The following SRGAP2 variants were observed in gnomAD, a reference collection of about 807,000 sequenced individuals.
SRGAP2 encodes the protein SLIT-ROBO Rho GTPase activating protein 2.
Under a neutral mutation model 57.2 loss-of-function variants are expected in SRGAP2, and 15 were observed. The ratio of observed to expected loss-of-function variants is 0.26; its 90% confidence interval spans 0.18 to 0.40. The LOEUF is 0.40. SRGAP2 is among the 10% of genes least tolerant of loss of function. The pLI, the probability that SRGAP2 is intolerant of heterozygous loss-of-function variation, is 1.00. For missense variants in SRGAP2, 520 were observed against 669.6 expected (o/e 0.78, Z 2.47); for synonymous variants, 249 against 248.0 (o/e 1.00, Z -0.04).
At chr1:206,380,942 G>A (rs1655646522) in intron 4 of SRGAP2, among the ~76,000 whole-genome samples, 1 of 148,568 alleles carries the variant, frequency 6.7e-6, no homozygotes. Flanking sequence ...ATCTGTGAAA[G>A]GAGAGACACT....
At chr1:206,327,314 C>G (rs61816806) in intron 3 of SRGAP2, among the ~76,000 whole-genome samples, 1 of 147,744 alleles carries the variant, frequency 6.8e-6, no homozygotes, top group Admixed American at 6.8e-5. Context: ...ACAACAAGAG[C>G]GAAACTCCGT....
chr1:206,375,512 A>G (rs1168332145), intron 4 of SRGAP2, among the ~76,000 whole-genome samples: 2 of 152,208 alleles, frequency 1.3e-5, no homozygotes, highest in Non-Finnish European at 2.9e-5. Flanking sequence ...AGTTTAAGAA[A>G]TGAAAGCTTA....
chr1:206,237,723 C>A (rs1268981966), intron 2 of SRGAP2, among the ~76,000 whole-genome samples: 1 of 145,360 alleles, frequency 6.9e-6, no homozygotes, highest in Non-Finnish European at 1.5e-5. Context: ...AACTACTGAC[C>A]CTGAAGCAGC....
At chr1:206,319,336 A>G (rs1351722131) in intron 3 of SRGAP2, among the ~76,000 whole-genome samples, 26 of 151,126 alleles carry the variant, frequency 1.7e-4, no homozygotes, top group African/African-American at 6.2e-4. Context: ...GTGTGAACCC[A>G]GGAGGCGGAG....
At chr1:206,322,437 G>A (rs1464798430) in intron 3 of SRGAP2, among the ~76,000 whole-genome samples, 7 of 151,950 alleles carry the variant, frequency 4.6e-5, no homozygotes, top group East Asian at 1.9e-4. Context: ...AAAATTAGCC[G>A]GGCGTGGTGG....
At chr1:206,436,768 G>T (rs10494876) in intron 14 of SRGAP2, among the ~76,000 whole-genome samples, 197 bp from the exon 15 acceptor site, 1 of 152,140 alleles carries the variant, frequency 6.6e-6, no homozygotes, top group South Asian at 2.1e-4. Flanking sequence ...GTGCTTTCTA[G>T]TGAAAATGAA....
chr1:206,386,210 A>G (rs1220137998), intron 5 of SRGAP2, among the ~76,000 whole-genome samples: 28 of 152,174 alleles, frequency 1.8e-4, no homozygotes, highest in Non-Finnish European at 3.5e-4. Flanking sequence ...CACAACAAAG[A>G]ATTATCTGAC....
At chr1:206,278,938 A>G (rs1670571472) in intron 2 of SRGAP2, among the ~76,000 whole-genome samples, 4 of 150,384 alleles carry the variant, frequency 2.7e-5, no homozygotes, top group Non-Finnish European at 2.9e-5. Context: ...GTCAGAGAGG[A>G]GAGGGTGAGA....
At position 206,284,074 on chromosome 1, in the gene SRGAP2, G is replaced by A. The variant is rs1220481723; in HGVS notation, c.68-19207G>A. Among the ~76,000 whole-genome samples the A allele has an allele frequency of 4.4e-3, 670 of 152,130 alleles. 3 individuals carry two copies. Among genetic ancestry groups the A allele is most frequent in the Non-Finnish European group, 8.1e-3 (548 of 68,018 alleles). ...GAGAAACCTGCATTCTTGACCTAAT[G>A]TTTGGAATTGCATTTCACACTCTAG... On this transcript the variant is annotated intron_variant, in intron 2 of 22. Transcript: ENST00000573034.
intron 2 of SRGAP2, among the ~76,000 whole-genome samples, chr1:206,296,665 C>T (rs1306222130): frequency 1.3e-5 from 2 of 152,188 alleles, no homozygotes; most frequent in Admixed American, 6.5e-5. Context: ...CTCCTGAGCT[C>T]TAGTAATCGG....
At chr1:206,415,664 A>G (rs1312638915) in intron 10 of SRGAP2, among the ~76,000 whole-genome samples, 3 of 152,242 alleles carry the variant, frequency 2.0e-5, no homozygotes, top group Non-Finnish European at 2.9e-5. Flanking sequence ...TATACTGGCC[A>G]TCATAGAACT....
chr1:206,457,223 A>C (rs1447421305), intron 21 of SRGAP2, among the ~76,000 whole-genome samples: 1 of 152,058 alleles, frequency 6.6e-6, no homozygotes, highest in Non-Finnish European at 1.5e-5. Flanking sequence ...ATCAGCAAAG[A>C]GCTATTAGGG....
intron 2 of SRGAP2, among the ~76,000 whole-genome samples, chr1:206,232,814 CA>C (rs1667718271): frequency 8.1e-6 from 1 of 123,350 alleles, no homozygotes; most frequent in Non-Finnish European, 1.7e-5. Context: ...TTAGTAATCC[CA>C]TTTAAAATAT....
At chr1:206,437,177 C>A in intron 15 of SRGAP2, 135 bp downstream of exon 15, 1 of 669,928 alleles carries the variant, frequency 1.5e-6, no homozygotes, top group Non-Finnish European at 2.7e-6. Context: ...TACCTGCTGT[C>A]TTGTACACAT....
At chr1:206,452,481 T>C (rs1469212631) in intron 19 of SRGAP2, among the ~76,000 whole-genome samples, 2 of 152,202 alleles carry the variant, frequency 1.3e-5, no homozygotes, top group Non-Finnish European at 2.9e-5. Flanking sequence ...CTACAATTAC[T>C]GGAATTATTA....
At chr1:206,412,961 T>A (rs1230810296) in intron 10 of SRGAP2, among the ~76,000 whole-genome samples, 1 of 152,200 alleles carries the variant, frequency 6.6e-6, no homozygotes, top group Non-Finnish European at 1.5e-5. Context: ...AGTTCATACC[T>A]TGACACAGTT....
chr1:206,214,558 T>TG (rs1279957270), intron 2 of SRGAP2: 1 of 149,102 alleles, frequency 6.7e-6, no homozygotes. Context: ...ATCCTTCTGC[T>TG]GGGGGCAGTG....
chr1:206,460,681 T>G (rs1464190206), intron 22 of SRGAP2, among the ~76,000 whole-genome samples: 3 of 152,188 alleles, frequency 2.0e-5, no homozygotes, highest in African/African-American at 4.8e-5. Context: ...CAAATCCCCA[T>G]GTACTCATCA....
intron 2 of SRGAP2, among the ~76,000 whole-genome samples, chr1:206,300,930 CAGAG>C (rs1463664806): frequency 0.065 from 9,953 of 152,188 alleles, 491 homozygotes; most frequent in East Asian, 0.26. Flanking sequence ...ACAGGGGACT[CAGAG>C]GGACCTGACA....
Sources: allele counts gnomAD v4.1 joint callset (sites outside exome capture counted in the v4.1 genomes callset), GRCh38; gene constraint gnomAD v4.1.1; transcripts MANE v1.5; gene names NCBI Gene and HGNC (gene_info 2026-07-23, HGNC 2026-07-21).